Variants in SPECC1L observed in about 807,000 individuals in gnomAD.
The protein encoded by SPECC1L is sperm antigen with calponin homology and coiled-coil domains 1 like.
SPECC1L carries 40 observed loss-of-function variants against 116.8 expected under a neutral mutation model. The observed-to-expected ratio is 0.34, with a 90% CI of 0.27 to 0.45. The LOEUF is 0.45. SPECC1L is among the 20% of genes least tolerant of loss of function. The probability of loss-of-function intolerance (pLI) is 1.00; values close to 1 mark genes in which losing one functional copy is unlikely to be tolerated. For missense variants in SPECC1L, 1,110 were observed against 1,373.6 expected, an observed-to-expected ratio of 0.81 and a Z score of 3.03; for synonymous variants, 504 against 500.6, an observed-to-expected ratio of 1.01 and a Z score of -0.09.
chr22:24,385,978 T>G (rs540843229), intron 14 of SPECC1L, among the ~76,000 whole-genome samples: 1 of 152,322 alleles, frequency 6.6e-6, no homozygotes, highest in Admixed American at 6.5e-5. Context: ...TCATCAGAAT[T>G]GGCCACATGC....
intron 14 of SPECC1L, among the ~76,000 whole-genome samples, chr22:24,406,486 C>T (rs190678860): frequency 6.6e-6 from 1 of 152,326 alleles, no homozygotes; most frequent in East Asian, 1.9e-4. Flanking sequence ...CAGAGCTGGT[C>T]TGTGGGATCA....
At chr22:24,341,366 C>A (rs568233000) in intron 10 of SPECC1L, among the ~76,000 whole-genome samples, 39 of 152,316 alleles carry the variant, frequency 2.6e-4, no homozygotes, top group African/African-American at 9.1e-4. Context: ...CACACAAACA[C>A]TTCTGGTAGC....
intron 14 of SPECC1L, among the ~76,000 whole-genome samples, chr22:24,396,976 G>A (rs778225038): frequency 4.9e-4 from 75 of 152,182 alleles, no homozygotes; most frequent in Non-Finnish European, 9.0e-4. Flanking sequence ...TCCTGGTGAC[G>A]GTCCTGTCGT....
At chr22:24,286,765 T>A (rs958580303) in intron 2 of SPECC1L, among the ~76,000 whole-genome samples, 10 of 152,266 alleles carry the variant, frequency 6.6e-5, no homozygotes, top group African/African-American at 2.2e-4. Context: ...TTCAGGCTAT[T>A]CACATCATAG....
intron 4 of SPECC1L, among the ~76,000 whole-genome samples, chr22:24,316,497 C>T (rs1387448092): frequency 2.6e-5 from 4 of 151,202 alleles, no homozygotes; most frequent in African/African-American, 7.3e-5. Flanking sequence ...AGCATGCTGC[C>T]TTCAAGCGTC....
At chr22:24,340,717 G>C (rs765289003) in intron 10 of SPECC1L, among the ~76,000 whole-genome samples, 76 of 152,142 alleles carry the variant, frequency 5.0e-4, no homozygotes, top group South Asian at 1.7e-3. Context: ...AGTTAGTACA[G>C]TGCGTCTCAA....
intron 14 of SPECC1L, among the ~76,000 whole-genome samples, chr22:24,374,938 C>T (rs1166574704): frequency 2.0e-5 from 3 of 151,068 alleles, no homozygotes; most frequent in African/African-American, 7.3e-5. Flanking sequence ...AATTGACAAA[C>T]CTCTAAGTAG....
chr22:24,275,875 A>G (rs187172068), intron 1 of SPECC1L, among the ~76,000 whole-genome samples: 340 of 152,092 alleles, frequency 2.2e-3, no homozygotes, highest in African/African-American at 7.7e-3. Flanking sequence ...CACCTGGCTA[A>G]TTTTACAAAA....
At chr22:24,360,966 A>G (rs2041631486) in intron 11 of SPECC1L, among the ~76,000 whole-genome samples, 1 of 152,096 alleles carries the variant, frequency 6.6e-6, no homozygotes, top group Non-Finnish European at 1.5e-5. Flanking sequence ...TTACACAGAG[A>G]TGATGTTTGT....
chr22:24,330,922 T>C (rs1378389871), intron 8 of SPECC1L, among the ~76,000 whole-genome samples: 3 of 152,214 alleles, frequency 2.0e-5, no homozygotes, highest in African/African-American at 7.2e-5. Flanking sequence ...AGATAATGCC[T>C]GCCAAGTGCT....
intron 4 of SPECC1L, among the ~76,000 whole-genome samples, chr22:24,317,312 C>T (rs1309926475): frequency 9.6e-6 from 1 of 103,980 alleles, no homozygotes; most frequent in East Asian, 3.5e-4. Flanking sequence ...AGGCGGGGGG[C>T]TGACCCCCCC....
At chr22:24,313,564 T>C in intron 4 of SPECC1L, 98 bp downstream of exon 4, 1 of 1,400,478 alleles carries the variant, frequency 7.1e-7, no homozygotes, top group South Asian at 1.2e-5. Flanking sequence ...ATAGGAAATT[T>C]TAGACATACA....
intron 2 of SPECC1L, among the ~76,000 whole-genome samples, chr22:24,298,575 T>G (rs986657651): frequency 1.3e-5 from 2 of 152,228 alleles, no homozygotes; most frequent in African/African-American, 4.8e-5. Context: ...GATCTGGCTC[T>G]GAAGGCCTGA....
At chr22:24,401,303 G>A (rs145843361) in intron 14 of SPECC1L, among the ~76,000 whole-genome samples, 20 of 152,300 alleles carry the variant, frequency 1.3e-4, no homozygotes, top group African/African-American at 4.8e-4. Context: ...AGATTCTGTT[G>A]GTTCCTTCCC....
At chr22:24,413,939 C>T (rs2042752180) in intron 16 of SPECC1L, among the ~76,000 whole-genome samples, 1 of 152,132 alleles carries the variant, frequency 6.6e-6, no homozygotes, top group Non-Finnish European at 1.5e-5. Flanking sequence ...CTTTTTGAGG[C>T]CTTCTGTCTC....
chr22:24,387,126 C>T (rs1302353019), intron 14 of SPECC1L, among the ~76,000 whole-genome samples: 1 of 152,008 alleles, frequency 6.6e-6, no homozygotes, highest in Non-Finnish European at 1.5e-5. Flanking sequence ...TGAATAGTCT[C>T]CATAAGAATC....
chr22:24,358,408 T>C (rs777589271), intron 11 of SPECC1L, among the ~76,000 whole-genome samples: 3 of 152,206 alleles, frequency 2.0e-5, no homozygotes, highest in African/African-American at 4.8e-5. Flanking sequence ...TGCGCCTGGC[T>C]GAGAGACTTG....
chr22:24,287,525 T>C (rs1057375094), intron 2 of SPECC1L, among the ~76,000 whole-genome samples: 20 of 152,318 alleles, frequency 1.3e-4, no homozygotes, highest in African/African-American at 2.6e-4. Context: ...CAGGAACTTC[T>C]TCCAGTCGCC....
intron 12 of SPECC1L, 147 bp downstream of exon 12, chr22:24,363,491 T>G: frequency 1.3e-6 from 1 of 752,048 alleles, no homozygotes; most frequent in Non-Finnish European, 2.3e-6. Context: ...CCTTCCAAAG[T>G]GCTGGGATTA....
Sources: gnomAD v4.1 joint callset for allele counts (sites outside exome capture counted in the v4.1 genomes callset) on GRCh38, gnomAD v4.1.1 for gene constraint, MANE v1.5 for transcripts, NCBI Gene and HGNC (gene_info 2026-07-23, HGNC 2026-07-21) for gene names.